ZNF423: variants seen among roughly 807,000 people sequenced by gnomAD.
ZNF423 encodes Ebf-associated zinc finger protein.
Under a neutral mutation model 95.8 loss-of-function variants are expected in ZNF423, and 12 were observed. That is an observed-to-expected ratio of 0.13 (90% CI 0.08 to 0.20). ZNF423 has a LOEUF of 0.20. Ranked by LOEUF, ZNF423 falls within the 10% of genes least tolerant of loss-of-function variation. ZNF423 has a pLI of 1.00. For missense variants in ZNF423, 1,316 were observed against 1,737.1 expected (o/e 0.76, Z 4.31); for synonymous variants, 749 against 711.9 (o/e 1.05, Z -0.83).
At chr16:49,612,794 A>G (rs185771589) in intron 5 of ZNF423, among the ~76,000 whole-genome samples, 1 of 152,224 alleles carries the variant, frequency 6.6e-6, no homozygotes, top group South Asian at 2.1e-4. Flanking sequence ...TAGAATCTAC[A>G]GAAAAATTCC....
chr16:49,600,404 C>T (rs1029026546), intron 5 of ZNF423, among the ~76,000 whole-genome samples: 3 of 152,124 alleles, frequency 2.0e-5, no homozygotes, highest in Admixed American at 1.3e-4. Flanking sequence ...GACCCTCACT[C>T]GGGCAGCTCT....
intron 5 of ZNF423, among the ~76,000 whole-genome samples, chr16:49,597,154 G>A (rs982014538): frequency 7.2e-5 from 11 of 152,120 alleles, no homozygotes; most frequent in Non-Finnish European, 1.6e-4. Flanking sequence ...ACCACAAAAA[G>A]AGTAACGCCA....
intron 5 of ZNF423, among the ~76,000 whole-genome samples, chr16:49,549,001 G>A (rs1475764523): frequency 6.6e-6 from 1 of 152,070 alleles, no homozygotes. Flanking sequence ...GGCCTATCTT[G>A]CATTTTTTTT....
At chr16:49,805,376 A>G (rs559574579) in intron 1 of ZNF423, among the ~76,000 whole-genome samples, 19 of 152,364 alleles carry the variant, frequency 1.2e-4, no homozygotes, top group Admixed American at 9.1e-4. Context: ...CAATGGCCCT[A>G]CAAAAGCAGG....
chr16:49,841,275 C>G (rs952771589), intron 1 of ZNF423, among the ~76,000 whole-genome samples: 1 of 152,146 alleles, frequency 6.6e-6, no homozygotes, highest in African/African-American at 2.4e-5. Flanking sequence ...TCCAGCTCCC[C>G]CTTCTCCTAT....
At chr16:49,680,693 C>G (rs982254503) in intron 3 of ZNF423, among the ~76,000 whole-genome samples, 2 of 152,234 alleles carry the variant, frequency 1.3e-5, no homozygotes, top group Non-Finnish European at 2.9e-5. Flanking sequence ...CGCCCCACCA[C>G]AGCAGCCAGC....
chr16:49,530,869 C>T (rs1348491302), intron 5 of ZNF423, among the ~76,000 whole-genome samples: 1 of 152,196 alleles, frequency 6.6e-6, no homozygotes, highest in African/African-American at 2.4e-5. Context: ...GCTGTTCACC[C>T]CCAGCAGCCC....
chr16:49,669,624 C>G (rs1013544547), intron 3 of ZNF423, among the ~76,000 whole-genome samples: 1 of 152,202 alleles, frequency 6.6e-6, no homozygotes, highest in Non-Finnish European at 1.5e-5. Context: ...GACCTAGAGA[C>G]CCCTTGGAAA....
intron 5 of ZNF423, among the ~76,000 whole-genome samples, chr16:49,547,395 G>A (rs1381025704): frequency 1.3e-5 from 2 of 152,158 alleles, no homozygotes; most frequent in Admixed American, 1.3e-4. Context: ...AGGATACCAC[G>A]TTAACAAGAA....
intron 3 of ZNF423, among the ~76,000 whole-genome samples, chr16:49,676,106 G>C (rs985871091): frequency 6.6e-6 from 1 of 152,272 alleles, no homozygotes; most frequent in Non-Finnish European, 1.5e-5. Context: ...GCATGAGGGA[G>C]AGAATGAATA....
intron 7 of ZNF423, among the ~76,000 whole-genome samples, chr16:49,522,297 C>A (rs1048880802): frequency 6.6e-6 from 1 of 152,178 alleles, no homozygotes; most frequent in African/African-American, 2.4e-5. Context: ...CTAGTCAACA[C>A]AATGTGAGAG....
intron 3 of ZNF423, among the ~76,000 whole-genome samples, chr16:49,678,767 G>A (rs1196078278): frequency 6.6e-6 from 1 of 152,222 alleles, no homozygotes; most frequent in Non-Finnish European, 1.5e-5. Context: ...AGGTCCTGTA[G>A]GTTAGCTGTT....
chr16:49,563,627 C>G (rs1396411319), intron 5 of ZNF423, among the ~76,000 whole-genome samples: 1 of 152,256 alleles, frequency 6.6e-6, no homozygotes, highest in East Asian at 1.9e-4. Flanking sequence ...AGCCCAGACT[C>G]AAACCAAGGT....
rs1407011931 is a variant in ZNF423, at chr16:49,491,191, T to C, written c.*84A>G. 4 of 1,551,432 alleles carry C rather than the reference T, an allele frequency of 2.6e-6. No homozygotes were observed. The highest frequency in any genetic ancestry group is 2.7e-5 in the African/African-American group (2 of 73,532). ...TTACATCTGGGTTGCAAATGACACT[T>C]TGATTGGATGTAATGTTCAAATGGC... On this transcript the variant is annotated 3_prime_UTR_variant, in exon 8 of 8. Coordinates refer to ENST00000563137, the MANE Select transcript of ZNF423 (RefSeq NM_001379286.1).
At chr16:49,725,711 G>A (rs1331671471) in intron 3 of ZNF423, among the ~76,000 whole-genome samples, 8 of 152,162 alleles carry the variant, frequency 5.3e-5, no homozygotes, top group African/African-American at 7.2e-5. Flanking sequence ...ATAGTGCCTC[G>A]CGGGCAGTAG....
At chr16:49,808,433 T>G (rs1463005515) in intron 1 of ZNF423, among the ~76,000 whole-genome samples, 1 of 152,184 alleles carries the variant, frequency 6.6e-6, no homozygotes, top group East Asian at 1.9e-4. Context: ...AATAAATATA[T>G]ATAAGTATGA....
chr16:49,723,207 G>C (rs1206344430), intron 3 of ZNF423, among the ~76,000 whole-genome samples: 1 of 151,864 alleles, frequency 6.6e-6, no homozygotes, highest in East Asian at 1.9e-4. Flanking sequence ...CGCCTGCCTC[G>C]GCCTCCCAAT....
intron 5 of ZNF423, among the ~76,000 whole-genome samples, chr16:49,577,674 G>A (rs1001011403): frequency 6.6e-6 from 1 of 152,190 alleles, no homozygotes; most frequent in African/African-American, 2.4e-5. Flanking sequence ...AAGGCCTGCA[G>A]GAAACCTTGT....
At position 49,638,770 on chromosome 16, in the gene ZNF423, C is replaced by T. The variant is rs781749862; in HGVS notation, c.406G>A (p.Gly136Ser). Residue 136 changes from glycine (G) to serine (S), a missense_variant, in exon 4 of 8, where the codon GGC (glycine) becomes AGC (serine). By Grantham distance (56) the Gly-to-Ser change is moderately conservative. This residue lies in a region of ZNF423 where 155 missense variants were observed against 170.8 expected (regional missense o/e 0.91). Transcript: ENST00000563137. This position sits in a 1 kb window ranked among gnomAD's most constrained non-coding sequence, Gnocchi z 5.6. The stretch of plus-strand genomic sequence containing the variant: ...AGGCCCGTGCCCCCTTCCTCCTCGC[C>T]GAGGCCGAGGTCACAACCATCTCCG... Reference protein sequence around the residue: ...MIGDGCDLGLGEEEGGTGLPY... With the variant: ...MIGDGCDLGLSEEEGGTGLPY... 8.1e-6 allele frequency: 13 copies of T among 1,614,098 alleles called. No homozygotes were observed. Among genetic ancestry groups the T allele is most frequent in the South Asian group, 1.1e-5 (1 of 91,076 alleles).
Sources: gnomAD v4.1 joint callset for allele counts (sites outside exome capture counted in the v4.1 genomes callset) on GRCh38, gnomAD v4.1.1 for gene constraint, gnomAD v4.1.1 regional missense constraint, Gnocchi (gnomAD v3.1) non-coding constraint, MANE v1.5 for transcripts, NCBI Gene and HGNC (gene_info 2026-07-23, HGNC 2026-07-21) for gene names.